DLEC1: variants seen among roughly 807,000 people sequenced by gnomAD.
DLEC1 encodes deleted in lung and esophageal cancer protein 1.
Under a neutral mutation model 198.1 loss-of-function variants are expected in DLEC1, and 146 were observed. The ratio of observed to expected loss-of-function variants is 0.74; its 90% confidence interval spans 0.64 to 0.85. The LOEUF is 0.85. DLEC1 is among the 40% of genes least tolerant of loss of function. DLEC1 has a pLI of 0.00. For synonymous variants in DLEC1, 897 were observed against 866.8 expected (o/e 1.03, Z -0.61); for missense variants, 2,233 against 2,220.0 (o/e 1.01, Z -0.12).
At chr3:38,059,919 CA>C in intron 3 of DLEC1, 67 bp downstream of exon 3, 1 of 1,321,772 alleles carries the variant, frequency 7.6e-7, no homozygotes, top group Non-Finnish European at 1.1e-6. Flanking sequence ...CCACGTTGGC[CA>C]CCTCTGCTGC....
At chr3:38,064,114 A>C (rs969716113) in intron 6 of DLEC1, among the ~76,000 whole-genome samples, 195 bp downstream of exon 6, 4 of 150,544 alleles carry the variant, frequency 2.7e-5, no homozygotes, top group Admixed American at 2.0e-4. Flanking sequence ...GCAGATAAAC[A>C]TGTGAACAAA....
In DLEC1 at chr3:38,122,385, G is replaced by C. The variant is rs1700529429; in HGVS notation, c.5241G>C (p.Glu1747Asp). 6.2e-7 allele frequency: 1 copy of C among 1,614,018 alleles called. No individual in the cohort carries two copies. ...TCCGGGGCCAAGGCTCCTATGATGA[G>C]AGATACATGTTGCCTCACCAGCCCT... ...LRLRGQGSYDERYMLPHQP is the reference protein window; with the variant it reads ...LRLRGQGSYDDRYMLPHQP Residue 1747 changes from glutamate to aspartate, a missense_variant, in exon 37 of 37, where the codon GAG (glutamate) becomes GAC (aspartate). Transcript: ENST00000308059.
intron 2 of DLEC1, among the ~76,000 whole-genome samples, chr3:38,050,601 C>T (rs1056452469): frequency 6.6e-6 from 1 of 151,900 alleles, no homozygotes; most frequent in African/African-American, 2.4e-5. Context: ...CCCTGCCTGC[C>T]CCCACCTAGG....
At chr3:38,120,348 C>A in intron 33 of DLEC1, 100 bp from the exon 34 acceptor site, 1 of 1,423,164 alleles carries the variant, frequency 7.0e-7, no homozygotes, top group Non-Finnish European at 9.8e-7. Context: ...GTTGGCTGGG[C>A]AAGGCTGGGC....
chr3:38,104,906 C>T, intron 19 of DLEC1, among the ~76,000 whole-genome samples: 1 of 152,024 alleles, frequency 6.6e-6, no homozygotes, highest in African/African-American at 2.4e-5. Flanking sequence ...TGCAATCTTT[C>T]TTTTTTGTTT....
At chr3:38,053,601 G>T (rs113210738) in intron 2 of DLEC1, among the ~76,000 whole-genome samples, 1 of 121,172 alleles carries the variant, frequency 8.3e-6, no homozygotes, top group Non-Finnish European at 1.8e-5. Flanking sequence ...CCGGCCAGCC[G>T]CCCCATCCGG....
intron 6 of DLEC1, among the ~76,000 whole-genome samples, chr3:38,065,338 G>C (rs1413515195): frequency 1.3e-5 from 2 of 148,306 alleles, no homozygotes; most frequent in Non-Finnish European, 2.9e-5. Context: ...CAGAGGGAGA[G>C]GGAGAGGGAG....
chr3:38,060,981 G>A (rs932169725), intron 3 of DLEC1, among the ~76,000 whole-genome samples: 3 of 152,026 alleles, frequency 2.0e-5, no homozygotes, highest in African/African-American at 4.8e-5. Flanking sequence ...CACCGCACCC[G>A]GCCACCACTT....
chr3:38,088,498 A>C lies in DLEC1; in HGVS notation c.1665+110A>C. ...CCCATCCCATATCACAGCCTTAGTG[A>C]CTTCTGGGTAGACGCATATTCTTGC... On this transcript the variant is annotated intron_variant, in intron 10 of 36. Coordinates refer to ENST00000308059, the MANE Select transcript of DLEC1 (RefSeq NM_007335.4). 4 of 979,836 alleles carry C rather than the reference A, an allele frequency of 4.1e-6. No homozygotes were observed. In the South Asian group the frequency reaches 6.1e-5, roughly 15 times the overall value. 60.7% of individuals were successfully genotyped at this position (979,836 alleles called of 1,614,324 possible). A position where few individuals can be genotyped will look rare whatever the true frequency, so the allele number is the denominator to read the frequency against.
rs1415036646 is a variant in DLEC1, at chr3:38,097,784, G to T, written c.2606G>T (p.Gly869Val). The change falls in exon 18 of 37, where the codon GGT becomes GTT. Residue 869 changes from glycine (G) to valine (V), a missense_variant. Gly to Val is a moderately radical substitution (Grantham distance 109, BLOSUM62 -3). Transcript: ENST00000308059. ...ATCAACGTCTCAGCCCTTCAGTTTG[G>T]TCTGCTCCGCCTGGGGCAGAAAGCC... ...LIINVSALQFGLLRLGQKATN... is the reference protein window; with the variant it reads ...LIINVSALQFVLLRLGQKATN... 8.1e-6 allele frequency: 13 copies of T among 1,613,908 alleles called. No homozygotes were observed. The highest frequency in any genetic ancestry group is 1.7e-5 in the Admixed American group (1 of 59,990).
At chr3:38,121,921 C>A in intron 35 of DLEC1, 140 bp downstream of exon 35, 1 of 1,504,212 alleles carries the variant, frequency 6.6e-7, no homozygotes, top group Non-Finnish European at 8.9e-7. Context: ...TGCAGAGCAG[C>A]CAGTCCCCCA....
chr3:38,072,422 G>T (rs1697370732), intron 6 of DLEC1, among the ~76,000 whole-genome samples: 1 of 152,174 alleles, frequency 6.6e-6, no homozygotes, highest in African/African-American at 2.4e-5. Flanking sequence ...CAAGTTGTTT[G>T]GACAAAAAGG....
rs144424576 is a variant in DLEC1 at position 38,122,409 on chromosome 3, C to T, written c.5265C>T (p.Pro1755=). ...AGAGATACATGTTGCCTCACCAGCC[C>T]TGAGGCTCCGCCCCAGCCCTCAGCC... is the stretch of plus-strand genomic sequence containing the variant. ...YDERYMLPHQ[P] Residue 1755 remains proline, a synonymous_variant, in exon 37 of 37, where the codon CCC becomes CCT. Coordinates refer to ENST00000308059, the MANE Select transcript of DLEC1 (RefSeq NM_007335.4). 0.01 allele frequency: 16,870 copies of T among 1,614,126 alleles called. 119 individuals carry two copies. Among genetic ancestry groups the T allele is most frequent in the Non-Finnish European group, 0.011 (13,521 of 1,180,000 alleles).
rs776663999 is a variant in DLEC1 at position 38,092,842 on chromosome 3, T to A, written c.1718T>A (p.Met573Lys). The change falls in exon 11 of 37, where the codon ATG (methionine) becomes AAG (lysine). Residue 573 changes from methionine (M) to lysine (K), a missense_variant. Coordinates refer to ENST00000308059, the MANE Select transcript of DLEC1 (RefSeq NM_007335.4). ...LGKAEQTFII[M>K]CDNCQIKELV... Reference sequence around the variant, plus strand: ...AAGGCAGAGCAGACCTTCATCATCATGTGCGACAACTGCCAGATAAAGGAG... The same window carrying A: ...AAGGCAGAGCAGACCTTCATCATCAAGTGCGACAACTGCCAGATAAAGGAG... The A allele has an allele frequency of 1.2e-6, 2 of 1,614,216 alleles. No homozygotes were observed.
intron 6 of DLEC1, among the ~76,000 whole-genome samples, chr3:38,082,848 A>T (rs1419066949): frequency 6.6e-6 from 1 of 152,290 alleles, no homozygotes; most frequent in East Asian, 1.9e-4. Context: ...GCGTGGTCTG[A>T]CACCTTTGAA....
At chr3:38,056,778 C>T (rs1178333579) in intron 2 of DLEC1, among the ~76,000 whole-genome samples, 1 of 152,074 alleles carries the variant, frequency 6.6e-6, no homozygotes, top group Non-Finnish European at 1.5e-5. Flanking sequence ...CGAACAGATT[C>T]AGTATCCAAA....
rs538818215 is a variant in DLEC1, at chr3:38,094,514, T to G, written c.1920-365T>G. 3.9e-5 allele frequency among the ~76,000 whole-genome samples: 6 copies of G among 152,282 alleles called. No homozygotes were observed. The South Asian group carries it at 1.2e-3, about 32-fold the overall frequency. The stretch of plus-strand genomic sequence containing the variant: ...TGGCAAACCTTGGAAACTCATGTGG[T>G]GAGAGACACTGCAGAAGATCTTCCC... On this transcript the variant is annotated intron_variant, in intron 12 of 36. Coordinates refer to ENST00000308059, the MANE Select transcript of DLEC1 (RefSeq NM_007335.4).
At chr3:38,084,507 GTA>G (rs1559430583) in intron 7 of DLEC1, among the ~76,000 whole-genome samples, 2 of 120,672 alleles carry the variant, frequency 1.7e-5, no homozygotes, top group Non-Finnish European at 3.5e-5. Context: ...AGTAGTGGTA[GTA>G]GTAGTAGTGG....
rs117463277 is a variant in DLEC1 at position 38,045,651 on chromosome 3, G to A, written c.520G>A (p.Ala174Thr). Reference sequence around the variant, plus strand: ...GGAAAATGAGCGGGTCATGAGCCAGGCTGGAGTACAGGACCTCGAGAGCCT... The same window carrying A: ...GGAAAATGAGCGGGTCATGAGCCAGACTGGAGTACAGGACCTCGAGAGCCT... ...IAENERVMSQAGVQDLESLVR... is the reference protein window; with the variant it reads ...IAENERVMSQTGVQDLESLVR... The change falls in exon 2 of 37, where the codon GCT becomes ACT. Residue 174 changes from alanine (A) to threonine (T), a missense_variant. By Grantham distance (58) the Ala-to-Thr change is moderately conservative (BLOSUM62 0). Coordinates refer to ENST00000308059, the MANE Select transcript of DLEC1 (RefSeq NM_007335.4). The A allele has an allele frequency of 1.0e-3, 1,663 of 1,614,006 alleles. 36 individuals carry two copies. In the East Asian group the frequency reaches 0.032, roughly 31 times the overall value.
Sources: allele counts gnomAD v4.1 joint callset (sites outside exome capture counted in the v4.1 genomes callset), GRCh38; gene constraint gnomAD v4.1.1; transcripts MANE v1.5; gene names NCBI Gene and HGNC (gene_info 2026-07-23, HGNC 2026-07-21).